Variants in NALCN observed in about 807,000 individuals in gnomAD.
NALCN encodes the protein sodium leak channel NALCN.
Under a neutral mutation model 225.3 loss-of-function variants are expected in NALCN, and 111 were observed. The observed-to-expected ratio is 0.49, with a 90% confidence interval of 0.42 to 0.58. NALCN has a LOEUF of 0.58. NALCN is among the 20% of genes least tolerant of loss of function. The pLI is 0.00. For synonymous variants in NALCN, 764 were observed against 769.0 expected (o/e 0.99, Z 0.11); for missense variants, 1,378 against 2,202.4 (o/e 0.63, Z 7.49).
At chr13:101,345,493 A>G in intron 6 of NALCN, 73 bp from the exon 7 acceptor site, 1 of 1,526,652 alleles carries the variant, frequency 6.6e-7, no homozygotes, top group Non-Finnish European at 8.9e-7. Context: ...TAATGTAATT[A>G]CCCTTCATTA....
intron 6 of NALCN, among the ~76,000 whole-genome samples, chr13:101,354,776 A>G (rs1185246922): frequency 6.6e-6 from 1 of 152,102 alleles, no homozygotes; most frequent in East Asian, 1.9e-4. Context: ...GGTTTGACTG[A>G]GTTGTATGGC....
Position 101,142,266 on chromosome 13 carries a change from C to G in NALCN, c.2118+814G>C, listed in dbSNP as rs141934881. Among the ~76,000 whole-genome samples the G allele has an allele frequency of 3.4e-3, 520 of 151,312 alleles. 31 individuals are homozygous for G. In the East Asian group the frequency reaches 0.094, roughly 27 times the overall value. ...GAGTGATTCTCCTGCCTCAGCCTCC[C>G]GAGTAGCTGGGATTACAGGCATCCA... On this transcript the variant is annotated intron_variant, in intron 17 of 43. Transcript: ENST00000251127.
At position 101,059,740 on chromosome 13, in the gene NALCN, G is replaced by T. The variant is rs1208806976; in HGVS notation, c.4905+78C>A. The T allele has an allele frequency of 4.5e-6, 6 of 1,327,446 alleles. No homozygotes were observed. The highest frequency in any genetic ancestry group is 6.3e-6 in the Non-Finnish European group (6 of 951,762). 82.2% of individuals were successfully genotyped at this position (1,327,446 alleles called of 1,614,324 possible). On this transcript the variant is annotated intron_variant, in intron 42 of 43. Coordinates refer to ENST00000251127, the MANE Select transcript of NALCN (RefSeq NM_052867.4). Reference sequence around the variant, plus strand: ...TCACCTTGTTTGAATGATCTGACCAGCACCCATTTTATTTATTTTTATTAA... The same window carrying T: ...TCACCTTGTTTGAATGATCTGACCATCACCCATTTTATTTATTTTTATTAA...
At chr13:101,166,905 G>C (rs1043256270) in intron 15 of NALCN, among the ~76,000 whole-genome samples, 2 of 152,126 alleles carry the variant, frequency 1.3e-5, no homozygotes, top group Non-Finnish European at 2.9e-5. Flanking sequence ...ATGATATAAG[G>C]TAAGGGCCAA....
rs370636822 is a variant in NALCN at position 101,405,639 on chromosome 13, C to T, written c.-39-6474G>A. Among the ~76,000 whole-genome samples, 22 of 152,312 alleles carry T rather than the reference C, an allele frequency of 1.4e-4. No individual in the cohort carries two copies. The East Asian group carries it at 2.9e-3, about 20-fold the overall frequency. On this transcript the variant is annotated intron_variant, in intron 1 of 43. Transcript: ENST00000251127. ...CTCACGGCCTCCACAGCCTCTCACA[C>T]GCACTGGGCACTTTCCAGACCAGAA...
intron 13 of NALCN, among the ~76,000 whole-genome samples, chr13:101,202,176 G>A (rs1035471828): frequency 3.9e-5 from 6 of 152,088 alleles, no homozygotes; most frequent in African/African-American, 1.4e-4. Flanking sequence ...GCTATTCAAA[G>A]CTACAGCAAT....
Position 101,096,390 on chromosome 13 carries a change from T to C in NALCN, c.3163-710A>G, listed in dbSNP as rs576549449. ...CATACAAGTGAATATTATTCAGCCA[T>C]AGGAAGGGATGAAGTCCTGATACGT... On this transcript the variant is annotated intron_variant, in intron 27 of 43. Coordinates refer to ENST00000251127, the MANE Select transcript of NALCN (RefSeq NM_052867.4). Among the ~76,000 whole-genome samples, 3 of 152,162 alleles carry C rather than the reference T, an allele frequency of 2.0e-5. No homozygotes were observed. In the South Asian group the frequency reaches 6.2e-4, roughly 32 times the overall value.
Position 101,182,050 on chromosome 13 carries a change from C to T in NALCN, c.1765-5676G>A, listed in dbSNP as rs906753820. 5.2e-5 allele frequency among the ~76,000 whole-genome samples: 7 copies of T among 134,582 alleles called. No homozygotes were observed. In the South Asian group the frequency reaches 1.2e-3, roughly 23 times the overall value. 88.3% of individuals were successfully genotyped at this position (134,582 alleles called of 152,430 possible). On this transcript the variant is annotated intron_variant, in intron 14 of 43. Coordinates refer to ENST00000251127, the MANE Select transcript of NALCN (RefSeq NM_052867.4). Reference sequence around the variant, plus strand: ...TCCGGAGGCTGAGGCAGGAGAATGGCGTGAACCCGGGAGGCGGAGCTTGCA... The same window carrying T: ...TCCGGAGGCTGAGGCAGGAGAATGGTGTGAACCCGGGAGGCGGAGCTTGCA...
chr13:101,078,361 C>A lies in NALCN; in HGVS notation c.3886-2420G>T, dbSNP rs1457006976. Reference sequence around the variant, plus strand: ...TGTGTGCCTGGAAAAGCCACAGACACTCAATACCAGTCCAGGAGGGGGTCT... The same window carrying A: ...TGTGTGCCTGGAAAAGCCACAGACAATCAATACCAGTCCAGGAGGGGGTCT... On this transcript the variant is annotated intron_variant, in intron 34 of 43. Transcript: ENST00000251127. Among the ~76,000 whole-genome samples, 3 of 152,204 alleles carry A rather than the reference C, an allele frequency of 2.0e-5. No individual in the cohort carries two copies. The East Asian group carries it at 5.8e-4, about 29-fold the overall frequency.
At chr13:101,371,409 C>A (rs2046536034) in intron 6 of NALCN, among the ~76,000 whole-genome samples, 1 of 152,142 alleles carries the variant, frequency 6.6e-6, no homozygotes, top group Admixed American at 6.5e-5. Context: ...GTCTCAAACT[C>A]CTGGGCTCAA....
At chr13:101,371,373 C>T (rs2046534939) in intron 6 of NALCN, among the ~76,000 whole-genome samples, 1 of 152,104 alleles carries the variant, frequency 6.6e-6, no homozygotes, top group South Asian at 2.1e-4. Flanking sequence ...GGCTGGAGTG[C>T]AGTGACGCAA....
At position 101,065,387 on chromosome 13, in the gene NALCN, G is replaced by A. The variant is rs759073591; in HGVS notation, c.4604+17C>T. ...GTTTCTGGCCCCCATTCAGCCCTGCGAAAGCCTGCCTTGTACCTCAGGACA... is the reference window on the plus strand; with the variant it reads ...GTTTCTGGCCCCCATTCAGCCCTGCAAAAGCCTGCCTTGTACCTCAGGACA... On this transcript the variant is annotated intron_variant, in intron 40 of 43. Transcript: ENST00000251127. The A allele has an allele frequency of 4.6e-5, 74 of 1,613,606 alleles. No homozygotes were observed. The East Asian group carries it at 7.6e-4, about 17-fold the overall frequency.
intron 3 of NALCN, among the ~76,000 whole-genome samples, chr13:101,382,158 C>T (rs780608188): frequency 1.3e-5 from 2 of 152,036 alleles, no homozygotes; most frequent in Non-Finnish European, 2.9e-5. Context: ...TACAATTACC[C>T]TCTTTTTAAT....
intron 11 of NALCN, among the ~76,000 whole-genome samples, chr13:101,245,138 T>A (rs1157331278): frequency 6.6e-6 from 1 of 152,192 alleles, no homozygotes; most frequent in Non-Finnish European, 1.5e-5. Flanking sequence ...CCTCCACTGC[T>A]TTGGCCCTCC....
chr13:101,415,240 T>TATATACATACA (rs2047908875), intron 1 of NALCN, among the ~76,000 whole-genome samples: 1 of 145,062 alleles, frequency 6.9e-6, no homozygotes. Flanking sequence ...CATATATATT[T>TATATACATACA]CAAAATCGCC....
In NALCN at chr13:101,201,612, C is replaced by T. The variant is rs140504089; in HGVS notation, c.1627-9558G>A. ...TAATGCTGTTATGAACATTTATATA[C>T]AAGTTTTTGTGTAAACATATGTTTT... On this transcript the variant is annotated intron_variant, in intron 13 of 43. Transcript: ENST00000251127. 9.2e-5 allele frequency among the ~76,000 whole-genome samples: 14 copies of T among 152,230 alleles called. No homozygotes were observed. In the East Asian group the frequency reaches 2.7e-3, roughly 29 times the overall value.
chr13:101,093,231 A>T, intron 28 of NALCN, among the ~76,000 whole-genome samples: 1 of 152,214 alleles, frequency 6.6e-6, no homozygotes, highest in East Asian at 1.9e-4. Context: ...ATTAATCTGA[A>T]GAGAGAATAT....
At chr13:101,331,149 G>A (rs551063850) in intron 7 of NALCN, among the ~76,000 whole-genome samples, 151 of 152,052 alleles carry the variant, frequency 9.9e-4, no homozygotes, top group Middle Eastern at 3.4e-3. Context: ...TGAAAAATGA[G>A]CTCATAGCCA....
chr13:101,124,492 T>TAGTA (rs1242496768), intron 18 of NALCN, 116 bp downstream of exon 18: 7 of 884,280 alleles, frequency 7.9e-6, no homozygotes, highest in Non-Finnish European at 1.2e-5. Context: ...AAAGCTACTT[T>TAGTA]CTGGCAGAAA....
Sources: allele counts gnomAD v4.1 joint callset (sites outside exome capture counted in the v4.1 genomes callset), GRCh38; gene constraint gnomAD v4.1.1; transcripts MANE v1.5; gene names NCBI Gene and HGNC (gene_info 2026-07-23, HGNC 2026-07-21).